Variants in CCDC171 observed in about 807,000 individuals in gnomAD.
The protein encoded by CCDC171 is coiled-coil domain containing 171.
In CCDC171, 177 loss-of-function variants were observed where a neutral mutation model predicts 168.2. The observed-to-expected ratio is 1.05, with a 90% CI of 0.93 to 1.19. The LOEUF is 1.19. Ranked by LOEUF, CCDC171 falls within the 50% of genes most tolerant of loss-of-function variation. The pLI is 0.00. For synonymous variants in CCDC171, 687 were observed against 540.8 expected (o/e 1.27, Z -3.75); for missense variants, 1,991 against 1,539.0 (o/e 1.29, Z -4.91).
chr9:15,802,804 C>G (rs1312136064), intron 21 of CCDC171, among the ~76,000 whole-genome samples: 2 of 152,122 alleles, frequency 1.3e-5, no homozygotes, highest in Non-Finnish European at 2.9e-5. Context: ...AATGGTATTT[C>G]TGGTTCTTGG....
chr9:15,802,195 T>C (rs1426583728), intron 21 of CCDC171, among the ~76,000 whole-genome samples: 1 of 151,710 alleles, frequency 6.6e-6, no homozygotes, highest in Non-Finnish European at 1.5e-5. Context: ...CTACTGAGGG[T>C]TTATTGAGCT....
chr9:15,867,223 A>C (rs1453646663), intron 23 of CCDC171, among the ~76,000 whole-genome samples: 1 of 152,070 alleles, frequency 6.6e-6, no homozygotes, highest in Non-Finnish European at 1.5e-5. Flanking sequence ...ATGATAGATG[A>C]AGACACTGTA....
upstream of CCDC171, among the ~76,000 whole-genome samples, chr9:16,039,944 C>T (rs1586852864): frequency 6.6e-6 from 1 of 152,164 alleles, no homozygotes; most frequent in Non-Finnish European, 1.5e-5. Flanking sequence ...AGAAAATGAG[C>T]AGTGTCTGCC....
rs924545478 is a variant in CCDC171 at position 15,640,066 on chromosome 9, G to C, written c.822+16653G>C. On this transcript the variant is annotated intron_variant, in intron 7 of 25. Transcript: ENST00000380701. Reference sequence around the variant, plus strand: ...AAATGTTCCATTCTGCTTTTTAGTTGACCTATATAGTAAAATAAGTATCAA... The same window carrying C: ...AAATGTTCCATTCTGCTTTTTAGTTCACCTATATAGTAAAATAAGTATCAA... Among the ~76,000 whole-genome samples the C allele has an allele frequency of 5.3e-5, 8 of 152,204 alleles. No individual in the cohort carries two copies. In the East Asian group the frequency reaches 1.5e-3, roughly 29 times the overall value.
At chr9:15,630,973 C>T (rs1261549647) in intron 7 of CCDC171, among the ~76,000 whole-genome samples, 11 of 152,030 alleles carry the variant, frequency 7.2e-5, no homozygotes, top group East Asian at 5.8e-4. Flanking sequence ...TTGAAACCAA[C>T]GAGAACAAAG....
intron 21 of CCDC171, among the ~76,000 whole-genome samples, chr9:15,844,047 A>G (rs2060797233): frequency 6.6e-6 from 1 of 152,234 alleles, no homozygotes; most frequent in East Asian, 1.9e-4. Context: ...GATTTATCCT[A>G]TTCTCTCCTG....
In CCDC171 at chr9:15,971,876, A is replaced by G. The variant is rs1831398236; in HGVS notation, c.*40A>G. The G allele has an allele frequency of 2.0e-6, 3 of 1,511,674 alleles. No homozygotes were observed. Among genetic ancestry groups the G allele is most frequent in the Non-Finnish European group, 9.1e-7 (1 of 1,093,358 alleles). The allele number at this position is 1,511,674 out of a possible 1,614,324, so 93.6% of individuals were successfully genotyped here. ...AAAATGGAGGAAGAGTTAACAGTACAATTAAAATTGTTTTGAATGGGAATT... is the reference window on the plus strand; with the variant it reads ...AAAATGGAGGAAGAGTTAACAGTACGATTAAAATTGTTTTGAATGGGAATT... On this transcript the variant is annotated 3_prime_UTR_variant, in exon 26 of 26. Coordinates refer to ENST00000380701, the MANE Select transcript of CCDC171 (RefSeq NM_173550.4).
rs1554714834 is a variant in CCDC171 at position 15,623,471 on chromosome 9, G to GCGCGCGCGCGCGCA, written c.822+63_822+64insGCGCGCGCACGCGC. 21 of 505,426 alleles carry GCGCGCGCGCGCGCA rather than the reference G, an allele frequency of 4.2e-5. 1 individual carries two copies. Among genetic ancestry groups the GCGCGCGCGCGCGCA allele is most frequent in the Non-Finnish European group, 6.2e-5 (19 of 307,358 alleles). 31.3% of individuals were successfully genotyped at this position (505,426 alleles called of 1,614,324 possible). On this transcript the variant is annotated intron_variant, in intron 7 of 25. Coordinates refer to ENST00000380701, the MANE Select transcript of CCDC171 (RefSeq NM_173550.4). ...CGTACAAACTTTCACATATGCGCGC[G>GCGCGCGCGCGCGCA]CGCGCACACACACACACACACACAC... is the stretch of plus-strand genomic sequence containing the variant.
the CCDC171 span, among the ~76,000 whole-genome samples, chr9:16,092,249 T>A: frequency 6.6e-6 from 1 of 152,062 alleles, no homozygotes. Context: ...AGACAAGGGG[T>A]CCTCTAATCA....
chr9:15,861,304 G>A (rs566610142), intron 23 of CCDC171, among the ~76,000 whole-genome samples: 7 of 150,212 alleles, frequency 4.7e-5, no homozygotes, highest in Non-Finnish European at 7.4e-5. Flanking sequence ...ACCTATTTAC[G>A]TTTGAAGTAA....
chr9:15,817,600 G>T (rs1391465631), intron 21 of CCDC171, among the ~76,000 whole-genome samples: 2 of 118,418 alleles, frequency 1.7e-5, no homozygotes, highest in South Asian at 2.8e-4. Flanking sequence ...CTCATTGCTA[G>T]CACAGCAGTC....
chr9:16,016,382 G>T (rs2133005990), intron 3 of CCDC171, among the ~76,000 whole-genome samples: 1 of 152,166 alleles, frequency 6.6e-6, no homozygotes, highest in South Asian at 2.1e-4. Context: ...TTCCCACATA[G>T]CTTCGCTCAG....
chr9:15,562,122 G>A (rs2039352146), intron 1 of CCDC171, among the ~76,000 whole-genome samples: 1 of 152,030 alleles, frequency 6.6e-6, no homozygotes, highest in Non-Finnish European at 1.5e-5. Flanking sequence ...AACCTCCTGA[G>A]TAGCTGGGAT....
intron 23 of CCDC171, among the ~76,000 whole-genome samples, chr9:15,872,258 A>T (rs952478162): frequency 6.6e-6 from 1 of 152,072 alleles, no homozygotes; most frequent in African/African-American, 2.4e-5. Context: ...GAATTATTTA[A>T]TTTGGCAAAT....
At chr9:15,882,125 A>G (rs1818731562) in intron 24 of CCDC171, among the ~76,000 whole-genome samples, 1 of 152,182 alleles carries the variant, frequency 6.6e-6, no homozygotes, top group Non-Finnish European at 1.5e-5. Context: ...TCTTTTTAAT[A>G]TAAATTTTAA....
intron 7 of CCDC171, among the ~76,000 whole-genome samples, chr9:15,642,285 G>A (rs932348898): frequency 6.7e-6 from 1 of 149,562 alleles, no homozygotes; most frequent in Middle Eastern, 3.5e-3. Flanking sequence ...ATATATGTGT[G>A]TGTGTATATA....
intron 21 of CCDC171, among the ~76,000 whole-genome samples, chr9:15,837,291 T>A (rs9298740): frequency 0.46 from 70,357 of 152,000 alleles, 16,597 homozygotes; most frequent in Non-Finnish European, 0.51. Flanking sequence ...CTCGCTCATT[T>A]AGAAGGTTAG....
At chr9:15,767,527 G>A (rs947514100) in intron 18 of CCDC171, among the ~76,000 whole-genome samples, 5 of 151,872 alleles carry the variant, frequency 3.3e-5, no homozygotes, top group Non-Finnish European at 5.9e-5. Context: ...ATTCTCTCTC[G>A]TTGTGTAACA....
chr9:15,895,026 G>A (rs1254669792), intron 24 of CCDC171, among the ~76,000 whole-genome samples: 1 of 152,080 alleles, frequency 6.6e-6, no homozygotes, highest in East Asian at 1.9e-4. Flanking sequence ...AGGCAGAACT[G>A]CATGCAAATT....
Sources: allele counts gnomAD v4.1 joint callset (sites outside exome capture counted in the v4.1 genomes callset), GRCh38; gene constraint gnomAD v4.1.1; transcripts MANE v1.5; gene names NCBI Gene and HGNC (gene_info 2026-07-23, HGNC 2026-07-21).